CTNNA2: variants seen among roughly 807,000 people sequenced by gnomAD.
CTNNA2 encodes catenin alpha-2.
CTNNA2 carries 42 observed loss-of-function variants against 101.0 expected under a neutral mutation model. That is an observed-to-expected ratio of 0.42 (90% CI 0.32 to 0.54). CTNNA2 has a LOEUF of 0.54. Among genes scored for constraint, CTNNA2 ranks in the 20% least tolerant of loss-of-function variants. CTNNA2 has a pLI of 0.14. For synonymous variants in CTNNA2, 450 were observed against 456.4 expected, an observed-to-expected ratio of 0.99 and a Z score of 0.18; for missense variants, 871 against 1,223.1, an observed-to-expected ratio of 0.71 and a Z score of 4.29.
At chr2:80,546,165 C>A in intron 11 of CTNNA2, 102 bp downstream of exon 11, 1 of 1,385,612 alleles carries the variant, frequency 7.2e-7, no homozygotes, top group Non-Finnish European at 9.7e-7. Flanking sequence ...TTCAGGCGCA[C>A]TCCTTAGATC....
chr2:80,196,055 C>T (rs917192675), intron 7 of CTNNA2, among the ~76,000 whole-genome samples: 4 of 152,120 alleles, frequency 2.6e-5, no homozygotes, highest in Admixed American at 1.3e-4. Flanking sequence ...ATTTTGCTTA[C>T]GTGGCAGGGT....
At chr2:79,875,826 G>A (rs924161547) in intron 6 of CTNNA2, among the ~76,000 whole-genome samples, 2 of 152,044 alleles carry the variant, frequency 1.3e-5, no homozygotes, top group Admixed American at 1.3e-4. Flanking sequence ...CAAAATTGCA[G>A]CGAGCAACTG....
chr2:80,630,292 C>T (rs575017170), intron 18 of CTNNA2, among the ~76,000 whole-genome samples: 23 of 152,208 alleles, frequency 1.5e-4, no homozygotes, highest in East Asian at 7.7e-4. Context: ...GTTTTCCTAC[C>T]GCTTTTTTAG....
At chr2:79,442,547 CCTT>C (rs1444379197) in intron 4 of CTNNA2, among the ~76,000 whole-genome samples, 1 of 152,134 alleles carries the variant, frequency 6.6e-6, no homozygotes, top group Non-Finnish European at 1.5e-5. Context: ...CTTTCTAAAT[CCTT>C]CTTTATCTGT....
At chr2:80,054,435 C>A (rs1697082643) in intron 7 of CTNNA2, among the ~76,000 whole-genome samples, 1 of 152,210 alleles carries the variant, frequency 6.6e-6, no homozygotes, top group Non-Finnish European at 1.5e-5. Context: ...CTTAACCCTG[C>A]AGCCATGCCG....
At chr2:80,483,099 G>A (rs1303284834) in intron 9 of CTNNA2, among the ~76,000 whole-genome samples, 1 of 152,110 alleles carries the variant, frequency 6.6e-6, no homozygotes, top group African/African-American at 2.4e-5. Context: ...ACTGATATAT[G>A]GCTGTACAAT....
intron 14 of CTNNA2, among the ~76,000 whole-genome samples, chr2:80,583,246 C>A (rs1347696271): frequency 6.6e-6 from 1 of 152,126 alleles, no homozygotes; most frequent in Admixed American, 6.6e-5. Flanking sequence ...TCAGTAAGTG[C>A]TCGATAAAGA....
intron 1 of CTNNA2, among the ~76,000 whole-genome samples, chr2:79,637,866 T>C (rs1481225576): frequency 6.6e-6 from 1 of 152,254 alleles, no homozygotes; most frequent in Non-Finnish European, 1.5e-5. Flanking sequence ...AAGCAAGCTT[T>C]AGTTCTCTTA....
chr2:79,517,114 TA>T (rs1389049892), intron 1 of CTNNA2, among the ~76,000 whole-genome samples: 1 of 152,216 alleles, frequency 6.6e-6, no homozygotes, highest in Non-Finnish European at 1.5e-5. Flanking sequence ...AGGTTAAGTA[TA>T]CTCTCTGTGT....
rs538998106 is a variant in CTNNA2 at position 80,062,339 on chromosome 2, C to T, written c.1056+152542C>T. On this transcript the variant is annotated intron_variant, in intron 7 of 18. Transcript: ENST00000402739. The stretch of plus-strand genomic sequence containing the variant: ...ATCTATAATTACTAATAAGTAGTCT[C>T]TTTCTTTTATTAAGGTAAAATTCAT... Among the ~76,000 whole-genome samples, 123 of 152,306 alleles carry T rather than the reference C, an allele frequency of 8.1e-4. 1 individual carries two copies. Among genetic ancestry groups the T allele is most frequent in the Admixed American group, 5.2e-4 (8 of 15,284 alleles).
intron 12 of CTNNA2, among the ~76,000 whole-genome samples, chr2:80,569,894 G>A (rs1207852341): frequency 2.6e-5 from 4 of 151,668 alleles, no homozygotes; most frequent in South Asian, 2.1e-4. Flanking sequence ...CACCCTCCTC[G>A]GCCTCCCAAA....
chr2:79,327,958 C>A (rs765499086), intron 3 of CTNNA2, among the ~76,000 whole-genome samples: 15 of 150,306 alleles, frequency 1.0e-4, no homozygotes, highest in Non-Finnish European at 1.3e-4. Flanking sequence ...CACAAAGATG[C>A]CCTGGGCATG....
Position 79,375,826 on chromosome 2 carries a change from A to G in CTNNA2, c.-135+1813A>G, listed in dbSNP as rs559204475. ...CAATTTCTTTCAAAGAGGCTGAACT[A>G]CAGGCCATTTTACCCAAACTCATAC... On this transcript the variant is annotated intron_variant, in intron 4 of 21. Coordinates refer to the CTNNA2 transcript ENST00000466387. Among the ~76,000 whole-genome samples, 22 of 152,302 alleles carry G rather than the reference A, an allele frequency of 1.4e-4. No homozygotes were observed. The East Asian group carries it at 3.9e-3, about 27-fold the overall frequency.
intron 7 of CTNNA2, among the ~76,000 whole-genome samples, chr2:80,064,523 T>A (rs1697838581): frequency 6.6e-6 from 1 of 152,340 alleles, no homozygotes; most frequent in Non-Finnish European, 1.5e-5. Context: ...CTTTCACTGG[T>A]ATTGCCTGAG....
intron 6 of CTNNA2, among the ~76,000 whole-genome samples, chr2:79,893,045 G>A (rs918754285): frequency 2.0e-5 from 3 of 151,994 alleles, no homozygotes; most frequent in East Asian, 1.9e-4. Context: ...TTTCCATGAC[G>A]TGGCTGAGAA....
At chr2:80,449,756 G>C (rs1056497260) in intron 9 of CTNNA2, among the ~76,000 whole-genome samples, 1 of 152,154 alleles carries the variant, frequency 6.6e-6, no homozygotes, top group African/African-American at 2.4e-5. Context: ...ACAAAATCCA[G>C]GGTCACTAGG....
At chr2:79,731,267 A>C (rs1327888318) in intron 2 of CTNNA2, among the ~76,000 whole-genome samples, 2 of 152,094 alleles carry the variant, frequency 1.3e-5, no homozygotes, top group African/African-American at 2.4e-5. Flanking sequence ...CCTGTGTTTC[A>C]ACGATGATTT....
In CTNNA2 at chr2:79,651,535, T is replaced by G; in HGVS notation, c.-5-17T>G. The G allele has an allele frequency of 6.3e-7, 1 of 1,598,830 alleles. No individual in the cohort carries two copies. The highest frequency in any genetic ancestry group is 8.6e-7 in the Non-Finnish European group (1 of 1,166,464). On this transcript the variant is annotated splice_polypyrimidine_tract_variant and intron_variant, in intron 1 of 18. Transcript: ENST00000402739. ...TCAAAGATGATTATTTCTAACTGAT[T>G]ACATGTGTTCCCATAGGGAGCATGA...
chr2:80,170,025 G>T (rs1185900080), intron 7 of CTNNA2, among the ~76,000 whole-genome samples: 2 of 152,172 alleles, frequency 1.3e-5, no homozygotes, highest in Non-Finnish European at 2.9e-5. Context: ...GAGGTAGCAA[G>T]AACTCAGTAA....
Sources: gnomAD v4.1 joint callset for allele counts (sites outside exome capture counted in the v4.1 genomes callset) on GRCh38, gnomAD v4.1.1 for gene constraint, MANE v1.5 for transcripts, NCBI Gene and HGNC (gene_info 2026-07-23, HGNC 2026-07-21) for gene names.